GSDMC: variants seen among roughly 807,000 people sequenced by gnomAD.
GSDMC encodes the protein gasdermin C.
Under a neutral mutation model 58.0 loss-of-function variants are expected in GSDMC, and 59 were observed. The observed-to-expected ratio is 1.02, with a 90% CI of 0.82 to 1.26. The LOEUF is 1.26. GSDMC is among the 50% of genes most tolerant of loss of function. The pLI, the probability that GSDMC is intolerant of heterozygous loss-of-function variation, is 0.00. For missense variants in GSDMC, 659 were observed against 598.5 expected, an observed-to-expected ratio of 1.10 and a Z score of -1.06; for synonymous variants, 241 against 220.2, an observed-to-expected ratio of 1.09 and a Z score of -0.83.
the GSDMC span, among the ~76,000 whole-genome samples, chr8:129,731,493 T>C: frequency 2.0e-5 from 3 of 152,232 alleles, no homozygotes; most frequent in South Asian, 6.2e-4. Context: ...TTAAAGGGAT[T>C]GGCTTCTGTG....
the GSDMC span, among the ~76,000 whole-genome samples, chr8:129,710,609 CTT>C: frequency 6.6e-6 from 1 of 152,166 alleles, no homozygotes; most frequent in Non-Finnish European, 1.5e-5. Flanking sequence ...AAATACCTGA[CTT>C]TGTTCTTATC....
chr8:129,777,158 G>C (rs77362250), intron 2 of GSDMC, among the ~76,000 whole-genome samples: 132 of 152,286 alleles, frequency 8.7e-4, no homozygotes, highest in African/African-American at 3.1e-3. Flanking sequence ...TCATGAGCCT[G>C]ATACAAATAT....
downstream of GSDMC, among the ~76,000 whole-genome samples, chr8:129,747,853 G>T (rs2033002450): frequency 6.6e-6 from 1 of 152,054 alleles, no homozygotes; most frequent in Non-Finnish European, 1.5e-5. Flanking sequence ...TAGGAGGCGA[G>T]GTGGCATTAG....
intron 3 of GSDMC, among the ~76,000 whole-genome samples, chr8:129,766,834 G>A (rs369207869): frequency 1.9e-4 from 29 of 152,246 alleles, no homozygotes; most frequent in Admixed American, 1.3e-3. Flanking sequence ...TTCAAACAGC[G>A]TTCCAAAGCG....
the GSDMC span, among the ~76,000 whole-genome samples, chr8:129,720,188 A>G: frequency 1.3e-5 from 2 of 152,322 alleles, no homozygotes; most frequent in South Asian, 4.1e-4. Flanking sequence ...ATCAAAGTCA[A>G]TACTTCCCAA....
chr8:129,759,409 C>T (rs2033571126), intron 6 of GSDMC, among the ~76,000 whole-genome samples: 1 of 152,108 alleles, frequency 6.6e-6, no homozygotes, highest in Non-Finnish European at 1.5e-5. Flanking sequence ...AGGAAACAAT[C>T]AACAAAGTGA....
intron 5 of GSDMC, 23 bp from the exon 6 acceptor site, chr8:129,760,612 C>G (rs754650848): frequency 7.7e-5 from 95 of 1,232,912 alleles, no homozygotes; most frequent in Non-Finnish European, 1.1e-4. Flanking sequence ...GAAGAACTTC[C>G]ATTAGGAGAG....
chr8:129,707,692 A>G, the GSDMC span, among the ~76,000 whole-genome samples: 1 of 152,238 alleles, frequency 6.6e-6, no homozygotes, highest in East Asian at 1.9e-4. Context: ...TGATACACAT[A>G]TATTCTACCA....
chr8:129,771,141 C>A (rs908990856), intron 3 of GSDMC, among the ~76,000 whole-genome samples: 11 of 151,104 alleles, frequency 7.3e-5, no homozygotes, highest in Non-Finnish European at 1.0e-4. Flanking sequence ...TAAATATGCA[C>A]CAAACATCAG....
the GSDMC span, among the ~76,000 whole-genome samples, chr8:129,721,165 A>G: frequency 1.3e-5 from 2 of 152,168 alleles, no homozygotes; most frequent in African/African-American, 2.4e-5. Flanking sequence ...TTCTCCCTTC[A>G]TGATTTTACT....
chr8:129,729,474 C>A, the GSDMC span, among the ~76,000 whole-genome samples: 1 of 152,110 alleles, frequency 6.6e-6, no homozygotes, highest in Non-Finnish European at 1.5e-5. Flanking sequence ...TCCCACCCCA[C>A]AACAGGCCCC....
intron 6 of GSDMC, among the ~76,000 whole-genome samples, chr8:129,753,616 G>A (rs910370183): frequency 6.6e-6 from 1 of 152,202 alleles, no homozygotes; most frequent in Non-Finnish European, 1.5e-5. Context: ...AAAAGCAGAG[G>A]GAAAAGTAAA....
chr8:129,762,302 C>T (rs1286429105), intron 5 of GSDMC, among the ~76,000 whole-genome samples: 3 of 152,106 alleles, frequency 2.0e-5, no homozygotes, highest in African/African-American at 7.2e-5. Flanking sequence ...GCTGAGGGTA[C>T]TTAAATGAAT....
At chr8:129,750,880 A>C (rs1028244566) in intron 10 of GSDMC, among the ~76,000 whole-genome samples, 1 of 152,204 alleles carries the variant, frequency 6.6e-6, no homozygotes, top group Non-Finnish European at 1.5e-5. Context: ...ACATGTCAGG[A>C]ATACTGTAAA....
chr8:129,728,357 C>A, the GSDMC span, among the ~76,000 whole-genome samples: 6 of 152,260 alleles, frequency 3.9e-5, no homozygotes, highest in East Asian at 3.9e-4. Context: ...CCAGGCGGAT[C>A]TCCGGGCATC....
At chr8:129,732,211 C>T in the GSDMC span, among the ~76,000 whole-genome samples, 1,273 of 151,622 alleles carry the variant, frequency 8.4e-3, 17 homozygotes, top group African/African-American at 0.026. Flanking sequence ...AAGCCCTAGT[C>T]GAACAAGTGC....
chr8:129,754,931 A>G (rs1300493000), intron 6 of GSDMC, among the ~76,000 whole-genome samples: 1 of 152,176 alleles, frequency 6.6e-6, no homozygotes, highest in Non-Finnish European at 1.5e-5. Context: ...ACCAAAAGAA[A>G]AAAGAATAAA....
intron 12 of GSDMC, 31 bp from the exon 13 acceptor site, chr8:129,749,556 G>A (rs757492328): frequency 6.4e-7 from 1 of 1,552,014 alleles, no homozygotes; most frequent in South Asian, 1.1e-5. Flanking sequence ...GGGAAAGACA[G>A]TAGTGAAGAA....
chr8:129,723,629 C>T, the GSDMC span, among the ~76,000 whole-genome samples: 22 of 152,220 alleles, frequency 1.4e-4, no homozygotes, highest in East Asian at 4.3e-3. Flanking sequence ...ATCAACTCTG[C>T]TCAAACACTC....
Sources: allele counts gnomAD v4.1 joint callset (sites outside exome capture counted in the v4.1 genomes callset), GRCh38; gene constraint gnomAD v4.1.1; transcripts MANE v1.5; gene names NCBI Gene and HGNC (gene_info 2026-07-23, HGNC 2026-07-21).